LZTFL1: variants seen among roughly 807,000 people sequenced by gnomAD.
LZTFL1 encodes the protein leucine zipper transcription factor-like protein 1.
Under a neutral mutation model 45.9 loss-of-function variants are expected in LZTFL1, and 25 were observed. The ratio of observed to expected loss-of-function variants is 0.54; its 90% CI spans 0.40 to 0.76. The LOEUF (loss-of-function observed/expected upper bound fraction) is 0.76, where lower values mean the gene tolerates loss of function less well. LZTFL1 is among the 30% of genes least tolerant of loss of function. The probability of loss-of-function intolerance (pLI) is 0.00; values close to 1 mark genes in which losing one functional copy is unlikely to be tolerated. For synonymous variants in LZTFL1, 93 were observed against 117.4 expected (o/e 0.79, Z 1.35); for missense variants, 277 against 331.1 (o/e 0.84, Z 1.27).
At chr3:45,851,347 C>T (rs1701307480) in intron 4 of LZTFL1, among the ~76,000 whole-genome samples, 2 of 151,844 alleles carry the variant, frequency 1.3e-5, no homozygotes, top group Non-Finnish European at 2.9e-5. Context: ...CTGCATCAGC[C>T]TCCTGAGTAG....
intron 4 of LZTFL1, among the ~76,000 whole-genome samples, chr3:45,847,901 C>T (rs752509935): frequency 3.3e-5 from 5 of 152,162 alleles, no homozygotes; most frequent in Non-Finnish European, 7.3e-5. Flanking sequence ...GCATTAAAAA[C>T]CTGTTTAGGC....
intron 2 of LZTFL1, chr3:45,895,015 G>T: frequency 6.6e-7 from 1 of 1,506,350 alleles, no homozygotes. Context: ...CTTTTTAGGG[G>T]GTGTGGGAAG....
rs909930853 is a variant in LZTFL1, at chr3:45,825,261, C to T, written c.*1053G>A. ...AATATTAATATGTGAAAAGTAAGGA[C>T]TTTCCTTCTGAGGGATTATTGCTTT... On this transcript the variant is annotated 3_prime_UTR_variant, in exon 10 of 10. Coordinates refer to ENST00000296135, the MANE Select transcript of LZTFL1 (RefSeq NM_020347.4). 1 of 176,210 alleles carries T rather than the reference C, an allele frequency of 5.7e-6. No individual in the cohort carries two copies. The highest frequency in any genetic ancestry group is 2.0e-4 in the South Asian group (1 of 5,050). The allele number at this position is 176,210 out of a possible 1,614,324, so 10.9% of individuals were successfully genotyped here. A position where few individuals can be genotyped will look rare whatever the true frequency, so the allele number is the denominator to read the frequency against.
At chr3:45,843,838 T>A (rs1203915100), upstream of LZTFL1, among the ~76,000 whole-genome samples, 1 of 152,216 alleles carries the variant, frequency 6.6e-6, no homozygotes, top group Non-Finnish European at 1.5e-5. Context: ...GAACTTGTAC[T>A]TCAGGTTGTT....
At chr3:45,854,871 A>G in intron 4 of LZTFL1, 1 of 678,960 alleles carries the variant, frequency 1.5e-6, no homozygotes, top group Non-Finnish European at 2.4e-6. Context: ...TCCCTTCTTT[A>G]TGCTAAGAGC....
Position 45,824,350 on chromosome 3 carries a change from A to C in LZTFL1, c.*1964T>G, listed in dbSNP as rs1402956879. The C allele has an allele frequency of 6.6e-6, 1 of 151,140 alleles. No homozygotes were observed. Among genetic ancestry groups the C allele is most frequent in the African/African-American group, 2.5e-5 (1 of 40,670 alleles). The allele number at this position is 151,140 out of a possible 1,614,324, so 9.4% of individuals were successfully genotyped here. ...AAAATTTAAAACTGTATTTTGCTAA[A>C]GGGTATAGAGTAAATAACAACAACA... On this transcript the variant is annotated 3_prime_UTR_variant, in exon 10 of 10. Transcript: ENST00000296135.
chr3:45,906,336 A>T (rs533833099), intron 2 of LZTFL1, among the ~76,000 whole-genome samples: 2 of 152,188 alleles, frequency 1.3e-5, no homozygotes, highest in Non-Finnish European at 2.9e-5. Flanking sequence ...TTTGAGCACC[A>T]TTGCTAACCC....
rs368620373 is a variant in LZTFL1 at position 45,901,921 on chromosome 3, G to C, written c.-215+11199C>G. On this transcript the variant is annotated intron_variant, in intron 2 of 4. Transcript: ENST00000472635. The surrounding 1 kb of genome is among the most constrained non-coding windows in gnomAD (Gnocchi z 4.3). ...TGAGGGGTCTTCTCTGAGGTGCATG[G>C]TTCTTTTGGAAGAAATGAGAAATAC... 2.6e-6 allele frequency: 4 copies of C among 1,532,130 alleles called. No homozygotes were observed. In the East Asian group the frequency reaches 9.1e-5, roughly 35 times the overall value. 94.9% of individuals were successfully genotyped at this position (1,532,130 alleles called of 1,614,324 possible). A position where few individuals can be genotyped will look rare whatever the true frequency, so the allele number is the denominator to read the frequency against.
intron 1 of LZTFL1, among the ~76,000 whole-genome samples, chr3:45,915,165 G>C (rs537052653): frequency 3.9e-5 from 6 of 152,122 alleles, no homozygotes; most frequent in Non-Finnish European, 8.8e-5. Context: ...CAGATGCATG[G>C]GGCAGCTTCA....
At chr3:45,828,299 G>T in intron 8 of LZTFL1, 140 bp downstream of exon 8, 1 of 697,128 alleles carries the variant, frequency 1.4e-6, no homozygotes, top group Non-Finnish European at 2.4e-6. Flanking sequence ...TTAATCTTTA[G>T]AACATATTGG....
At chr3:45,856,049 T>C (rs184123296) in intron 3 of LZTFL1, among the ~76,000 whole-genome samples, 1 of 152,104 alleles carries the variant, frequency 6.6e-6, no homozygotes. Flanking sequence ...AGAAAAAAAA[T>C]TTTTTAATTC....
At chr3:45,852,713 G>A (rs994756926) in intron 4 of LZTFL1, among the ~76,000 whole-genome samples, 1 of 152,192 alleles carries the variant, frequency 6.6e-6, no homozygotes, top group East Asian at 1.9e-4. Flanking sequence ...CTTTATATAT[G>A]TCTGTAACTT....
intron 2 of LZTFL1, among the ~76,000 whole-genome samples, chr3:45,863,995 C>T (rs1339312157): frequency 2.0e-5 from 3 of 152,060 alleles, no homozygotes; most frequent in Non-Finnish European, 4.4e-5. Context: ...GGAAAGTGTT[C>T]TTTTTTTAAG....
chr3:45,826,618 T>C (rs2125674234), intron 9 of LZTFL1, among the ~76,000 whole-genome samples: 1 of 152,348 alleles, frequency 6.6e-6, no homozygotes, highest in Middle Eastern at 3.4e-3. Context: ...GAACAGTTGA[T>C]ACGACTATAT....
chr3:45,824,571 G>A lies in LZTFL1; in HGVS notation c.*1743C>T, dbSNP rs745582202. The A allele has an allele frequency of 1.4e-5, 5 of 363,136 alleles. No individual in the cohort carries two copies. Among genetic ancestry groups the A allele is most frequent in the African/African-American group, 2.1e-5 (1 of 47,946 alleles). The allele number at this position is 363,136 out of a possible 1,614,324, so 22.5% of individuals were successfully genotyped here. Reference sequence around the variant, plus strand: ...GTACTGTACAGAATATTTCAAAACTGCTACCAAGAAAACAAGTACAAATTC... The same window carrying A: ...GTACTGTACAGAATATTTCAAAACTACTACCAAGAAAACAAGTACAAATTC... On this transcript the variant is annotated 3_prime_UTR_variant, in exon 10 of 10. Transcript: ENST00000296135.
At chr3:45,863,743 T>A (rs1487803505) in intron 2 of LZTFL1, among the ~76,000 whole-genome samples, 2 of 152,188 alleles carry the variant, frequency 1.3e-5, no homozygotes, top group African/African-American at 4.8e-5. Flanking sequence ...TATCGGCCAC[T>A]GGCCAAGCAG....
chr3:45,844,112 A>G (rs1193246284), upstream of LZTFL1, among the ~76,000 whole-genome samples: 1 of 152,230 alleles, frequency 6.6e-6, no homozygotes, highest in Admixed American at 6.5e-5. Flanking sequence ...AATGAGACTT[A>G]TGACTTTATA....
At chr3:45,848,072 C>T (rs1173785577) in intron 4 of LZTFL1, among the ~76,000 whole-genome samples, 1 of 152,166 alleles carries the variant, frequency 6.6e-6, no homozygotes, top group Non-Finnish European at 1.5e-5. Context: ...GGCTTTAGAT[C>T]CTTCATCTTC....
At chr3:45,829,387 G>C (rs1700753481) in intron 7 of LZTFL1, among the ~76,000 whole-genome samples, 1 of 152,056 alleles carries the variant, frequency 6.6e-6, no homozygotes, top group Non-Finnish European at 1.5e-5. Context: ...AGGACTACTT[G>C]AGCCCAGGAA....
Sources: gnomAD v4.1 joint callset for allele counts (sites outside exome capture counted in the v4.1 genomes callset) on GRCh38, gnomAD v4.1.1 for gene constraint, Gnocchi (gnomAD v3.1) non-coding constraint, MANE v1.5 for transcripts, NCBI Gene and HGNC (gene_info 2026-07-23, HGNC 2026-07-21) for gene names.